The following ZFHX4 variants were observed in gnomAD, a reference collection of about 807,000 sequenced individuals.
ZFHX4 encodes the protein zinc finger homeobox 4.
ZFHX4 carries 56 observed loss-of-function variants against 267.6 expected under a neutral mutation model. The ratio of observed to expected loss-of-function variants is 0.21; its 90% CI spans 0.17 to 0.26. The LOEUF is 0.26. ZFHX4 is among the 10% of genes least tolerant of loss of function. The probability of loss-of-function intolerance (pLI) is 1.00; values close to 1 mark genes in which losing one functional copy is unlikely to be tolerated. For synonymous variants in ZFHX4, 1,778 were observed against 1,665.6 expected, an observed-to-expected ratio of 1.07 and a Z score of -1.64; for missense variants, 4,332 against 4,420.0, an observed-to-expected ratio of 0.98 and a Z score of 0.56.
intron 4 of ZFHX4, among the ~76,000 whole-genome samples, chr8:76,803,535 G>A (rs1002885950): frequency 2.6e-5 from 4 of 152,100 alleles, no homozygotes; most frequent in Non-Finnish European, 5.9e-5. Context: ...AACCTCCTAA[G>A]AGTAGTGGAG....
chr8:76,772,206 G>A (rs1810282335), intron 3 of ZFHX4, among the ~76,000 whole-genome samples: 1 of 152,160 alleles, frequency 6.6e-6, no homozygotes, highest in Admixed American at 6.6e-5. Context: ...GTTAATTACT[G>A]TGGGAAAGCG....
intron 10 of ZFHX4, among the ~76,000 whole-genome samples, chr8:76,856,928 A>G (rs926701372): frequency 1.3e-5 from 2 of 152,196 alleles, no homozygotes; most frequent in African/African-American, 4.8e-5. Flanking sequence ...TGTAACATGC[A>G]TTGCTACTTG....
chr8:76,839,058 A>AGAGG (rs1812167286), intron 5 of ZFHX4, among the ~76,000 whole-genome samples: 1 of 40,572 alleles, frequency 2.5e-5, no homozygotes, highest in Admixed American at 1.5e-4. Context: ...TCTGAAAGAG[A>AGAGG]GAGAGAGAGA....
chr8:76,748,295 C>A (rs1418088520), intron 3 of ZFHX4, among the ~76,000 whole-genome samples: 1 of 152,198 alleles, frequency 6.6e-6, no homozygotes, highest in East Asian at 1.9e-4. Context: ...TGACTTCTAG[C>A]AGAACATCTT....
intron 3 of ZFHX4, among the ~76,000 whole-genome samples, chr8:76,775,863 G>A (rs932228479): frequency 2.6e-5 from 4 of 151,760 alleles, no homozygotes; most frequent in African/African-American, 9.7e-5. Flanking sequence ...GCAACACAGG[G>A]TGAAGATGGG....
In ZFHX4 at chr8:76,861,833, T is replaced by C. The variant is rs147332309; in HGVS notation, c.9380-1261T>C. 1.2e-4 allele frequency among the ~76,000 whole-genome samples: 18 copies of C among 152,184 alleles called. No homozygotes were observed. In the East Asian group the frequency reaches 2.3e-3, roughly 20 times the overall value. ...AAGACTATGACCAATATTAACAAGA[T>C]GGCTCTATGAAGTCTCATGATCATT... is the stretch of plus-strand genomic sequence containing the variant. On this transcript the variant is annotated intron_variant, in intron 10 of 10. Transcript: ENST00000651372.
chr8:76,706,623 G>T lies in ZFHX4; in HGVS notation c.2535G>T (p.Met845Ile). The T allele has an allele frequency of 6.2e-7, 1 of 1,607,614 alleles. No homozygotes were observed. The highest frequency in any genetic ancestry group is 8.5e-7 in the Non-Finnish European group (1 of 1,177,242). The change falls in exon 2 of 11, where the codon ATG becomes ATT. Residue 845 changes from methionine to isoleucine, a missense_variant. Physicochemically the swap from Met to Ile is conservative, Grantham distance 10. Transcript: ENST00000651372. ...AAAACCCTGCCGACCCTCAGCTGATGATCAATCCATTCCAGCTGGATCCAG... is the reference window on the plus strand; with the variant it reads ...AAAACCCTGCCGACCCTCAGCTGATTATCAATCCATTCCAGCTGGATCCAG... ...KLENPADPQL[M>I]INPFQLDPAT...
At chr8:76,766,203 A>C (rs1219226613) in intron 3 of ZFHX4, among the ~76,000 whole-genome samples, 1 of 151,984 alleles carries the variant, frequency 6.6e-6, no homozygotes, top group Non-Finnish European at 1.5e-5. Flanking sequence ...CATTTAGGCC[A>C]ACTGATGTCA....
At chr8:76,785,659 C>T (rs867566508) in intron 4 of ZFHX4, among the ~76,000 whole-genome samples, 4 of 152,108 alleles carry the variant, frequency 2.6e-5, no homozygotes, top group South Asian at 2.1e-4. Context: ...CATTAACATA[C>T]TTGACGGCAG....
chr8:76,701,724 G>A (rs1808108056), intron 1 of ZFHX4, among the ~76,000 whole-genome samples: 1 of 152,112 alleles, frequency 6.6e-6, no homozygotes, highest in Non-Finnish European at 1.5e-5. Context: ...AATTCAAATA[G>A]CATACATAGC....
rs559931676 is a variant in ZFHX4 at position 76,850,332 on chromosome 8, G to A, written c.3934G>A (p.Val1312Met). The change falls in exon 9 of 11, where the codon GTG (valine) becomes ATG (methionine). Residue 1312 changes from valine (V) to methionine (M), a missense_variant. By Grantham distance (21) the Val-to-Met change is conservative. This residue lies in a region of ZFHX4 where 1,371 missense variants were observed against 1,423.1 expected (regional missense o/e 0.96). Transcript: ENST00000651372. ...ATCAGAGCGGGACACACCTGCAGCC[G>A]TGACAGCTGAGGGGTCTGGGAAATA... ...EKSERDTPAAVTAEGSGKYSG... is the reference protein window; with the variant it reads ...EKSERDTPAAMTAEGSGKYSG... 8.7e-6 allele frequency: 14 copies of A among 1,612,668 alleles called. No individual in the cohort carries two copies. Among genetic ancestry groups the A allele is most frequent in the Middle Eastern group, 1.7e-4 (1 of 6,054 alleles).
At chr8:76,803,791 A>G (rs1811178918) in intron 4 of ZFHX4, among the ~76,000 whole-genome samples, 1 of 152,182 alleles carries the variant, frequency 6.6e-6, no homozygotes. Flanking sequence ...TTATTATGTT[A>G]CATTTAGTTT....
In ZFHX4 at chr8:76,738,760, G is replaced by T. The variant is rs1165811508; in HGVS notation, c.3093+30712G>T. On this transcript the variant is annotated intron_variant, in intron 3 of 10. Transcript: ENST00000651372. ...TCCTTCTCTCTTTCTTTCTGATAGAGTCTTGCTCTGTCACCCAGGCTGGAG... is the reference window on the plus strand; with the variant it reads ...TCCTTCTCTCTTTCTTTCTGATAGATTCTTGCTCTGTCACCCAGGCTGGAG... 4.1e-5 allele frequency among the ~76,000 whole-genome samples: 6 copies of T among 146,598 alleles called. No homozygotes were observed. In the East Asian group the frequency reaches 1.2e-3, roughly 30 times the overall value.
Position 76,711,130 on chromosome 8 carries a change from C to G in ZFHX4, c.3093+3082C>G, listed in dbSNP as rs192704011. On this transcript the variant is annotated intron_variant, in intron 3 of 10. Coordinates refer to ENST00000651372, the MANE Select transcript of ZFHX4 (RefSeq NM_024721.5). The stretch of plus-strand genomic sequence containing the variant: ...CCATATGGACTCAAAAAAAAGAATA[C>G]CTTTATGCCTATTGCTAATGATGAC... 1.5e-3 allele frequency among the ~76,000 whole-genome samples: 231 copies of G among 152,134 alleles called. 1 individual carries two copies. Among genetic ancestry groups the G allele is most frequent in the Middle Eastern group, 6.8e-3 (2 of 294 alleles).
chr8:76,831,591 T>C (rs1811934210), intron 4 of ZFHX4, among the ~76,000 whole-genome samples: 1 of 152,230 alleles, frequency 6.6e-6, no homozygotes, highest in East Asian at 1.9e-4. Context: ...TCTTACTCTG[T>C]CCTTACTTGA....
intron 3 of ZFHX4, among the ~76,000 whole-genome samples, chr8:76,774,348 C>A (rs911959306): frequency 6.6e-6 from 1 of 152,106 alleles, no homozygotes; most frequent in Non-Finnish European, 1.5e-5. Context: ...CTTTTTCCAT[C>A]CATTTCATTC....
chr8:76,780,186 C>T (rs539123944), intron 4 of ZFHX4, among the ~76,000 whole-genome samples: 1 of 152,106 alleles, frequency 6.6e-6, no homozygotes, highest in South Asian at 2.1e-4. Context: ...ACCTCTTTAA[C>T]GTGTCCATGC....
chr8:76,824,048 T>C (rs902469925), intron 4 of ZFHX4, among the ~76,000 whole-genome samples: 1 of 152,222 alleles, frequency 6.6e-6, no homozygotes, highest in African/African-American at 2.4e-5. Context: ...AAGAAGGTAA[T>C]TGTATCCCGA....
chr8:76,703,781 A>T (rs36078163), intron 1 of ZFHX4, among the ~76,000 whole-genome samples: 5 of 152,196 alleles, frequency 3.3e-5, no homozygotes, highest in Non-Finnish European at 7.3e-5. Flanking sequence ...GATTATTGAT[A>T]TAAATTTTAG....
Sources: gnomAD v4.1 joint callset for allele counts (sites outside exome capture counted in the v4.1 genomes callset) on GRCh38, gnomAD v4.1.1 for gene constraint, gnomAD v4.1.1 regional missense constraint, MANE v1.5 for transcripts, NCBI Gene and HGNC (gene_info 2026-07-23, HGNC 2026-07-21) for gene names.